Variants in SH3TC2 observed in about 807,000 individuals in gnomAD.
SH3TC2 encodes the protein SH3 domain and tetratricopeptide repeat-containing protein 2.
SH3TC2 carries 87 observed loss-of-function variants against 124.5 expected under a neutral mutation model. That is an observed-to-expected ratio of 0.70 (90% CI 0.59 to 0.84). The LOEUF is 0.84. SH3TC2 is among the 40% of genes least tolerant of loss of function. The probability of loss-of-function intolerance (pLI) is 0.00; values close to 1 mark genes in which losing one functional copy is unlikely to be tolerated. For synonymous variants in SH3TC2, 634 were observed against 628.5 expected (o/e 1.01, Z -0.13); for missense variants, 1,536 against 1,566.4 (o/e 0.98, Z 0.33).
intron 15 of SH3TC2, 102 bp downstream of exon 15, chr5:149,008,749 C>A (rs1753732991): frequency 6.5e-7 from 1 of 1,532,168 alleles, no homozygotes; most frequent in African/African-American, 1.4e-5. Context: ...GGATTTGAAC[C>A]CACACAGTCT....
Position 148,999,217 on chromosome 5 carries a change from C to G in SH3TC2, c.*5494G>C, listed in dbSNP as rs942744890. ...TGCAGGACCAGGGTGCCTGGCCACACCTCCAGGTTTGGCTGCACTTCTCAA... is the reference window on the plus strand; with the variant it reads ...TGCAGGACCAGGGTGCCTGGCCACAGCTCCAGGTTTGGCTGCACTTCTCAA... On this transcript the variant is annotated 3_prime_UTR_variant, in exon 17 of 17. Coordinates refer to ENST00000515425, the MANE Select transcript of SH3TC2 (RefSeq NM_024577.4). Among the ~76,000 whole-genome samples, 27 of 152,350 alleles carry G rather than the reference C, an allele frequency of 1.8e-4. No homozygotes were observed. The highest frequency in any genetic ancestry group is 6.3e-4 in the African/African-American group (26 of 41,588).
At position 148,994,914 on chromosome 5, in the gene SH3TC2, A is replaced by G. The variant is rs914632189; in HGVS notation, c.*9797T>C. On this transcript the variant is annotated 3_prime_UTR_variant, in exon 17 of 17. Coordinates refer to ENST00000515425, the MANE Select transcript of SH3TC2 (RefSeq NM_024577.4). ...GAGGTTTTTATCCACATCCCACAAT[A>G]CCATGAACTTATGATTTCCCAAGGA... Among the ~76,000 whole-genome samples the G allele has an allele frequency of 2.6e-5, 4 of 152,168 alleles. No homozygotes were observed. Among genetic ancestry groups the G allele is most frequent in the African/African-American group, 7.2e-5 (3 of 41,448 alleles).
rs199894615 is a variant in SH3TC2, at chr5:149,027,809, G to A, written c.1923C>T (p.Arg641=). The change falls in exon 11 of 17, where the codon CGC becomes CGT. Residue 641 remains arginine (R), a synonymous_variant. Transcript: ENST00000515425. ...CGTGCCGGCCTAGGCTCAGGAGCAA[G>A]CGGATGGCCAGAAAGCAGGCCCTGG... ...LEARACFLAI[R]LLLSLGRHEE... The A allele has an allele frequency of 1.4e-4, 224 of 1,613,942 alleles. No homozygotes were observed. The highest frequency in any genetic ancestry group is 1.1e-5 in the Non-Finnish European group (13 of 1,180,020).
rs35182601 is a variant in SH3TC2, at chr5:148,992,600, GT to G, written c.*12110del. Among the ~76,000 whole-genome samples, 1,500 of 102,452 alleles carry G rather than the reference GT, an allele frequency of 0.015. 9 individuals carry two copies. The highest frequency in any genetic ancestry group is 0.021 in the African/African-American group (584 of 27,482). 67.2% of individuals were successfully genotyped at this position (102,452 alleles called of 152,430 possible). ...ATAATTCCAAGAAGAGATTTCATTG[GT>G]TTTTTTTTTTTTTTTTTTTTTCAGA... is the stretch of plus-strand genomic sequence containing the variant. On this transcript the variant is annotated 3_prime_UTR_variant, in exon 17 of 17. Transcript: ENST00000515425.
Position 149,012,667 on chromosome 5 carries a change from C to G in SH3TC2, c.3121G>C (p.Asp1041His), listed in dbSNP as rs754776288. The G allele has an allele frequency of 2.5e-6, 4 of 1,614,218 alleles. No homozygotes were observed. The South Asian group carries it at 4.4e-5, about 18-fold the overall frequency. ...LRIFIDLGET[D>H]KAAEAWLGAG... ...CCAAGCCAGGCCTCAGCAGCCTTGT[C>G]TGTCTCCCCCAGGTCAATGAAGATA... The change falls in exon 13 of 17, where the codon GAC (aspartate) becomes CAC (histidine). Residue 1041 changes from aspartate (D) to histidine (H), a missense_variant. Physicochemically the swap from Asp to His is moderately conservative, Grantham distance 81. Transcript: ENST00000515425.
chr5:149,052,878 C>T (rs777986726), intron 1 of SH3TC2, among the ~76,000 whole-genome samples: 1 of 152,144 alleles, frequency 6.6e-6, no homozygotes, highest in Non-Finnish European at 1.5e-5. Context: ...GAAGATGGTG[C>T]ACCTATAAAG....
Position 148,986,452 on chromosome 5 carries a change from T to C in SH3TC2, c.*18259A>G, listed in dbSNP as rs1396573601. 2.6e-5 allele frequency among the ~76,000 whole-genome samples: 4 copies of C among 152,166 alleles called. No individual in the cohort carries two copies. Among genetic ancestry groups the C allele is most frequent in the Non-Finnish European group, 5.9e-5 (4 of 68,014 alleles). ...CCAAGGTAACCCCACTCACTCCCTA[T>C]TACATCTCCTTGTCTTACTTTTATC... On this transcript the variant is annotated 3_prime_UTR_variant, in exon 17 of 17. Coordinates refer to ENST00000515425, the MANE Select transcript of SH3TC2 (RefSeq NM_024577.4).
rs1753567581 is a variant in SH3TC2 at position 148,999,829 on chromosome 5, T to C, written c.*4882A>G. Among the ~76,000 whole-genome samples, 1 of 152,180 alleles carries C rather than the reference T, an allele frequency of 6.6e-6. No individual in the cohort carries two copies. The stretch of plus-strand genomic sequence containing the variant: ...TTCTTTCAACTGCTTATAATCCTTC[T>C]ATACCTTCCCCTCAACCTCCAGGTA... On this transcript the variant is annotated 3_prime_UTR_variant, in exon 17 of 17. Coordinates refer to ENST00000515425, the MANE Select transcript of SH3TC2 (RefSeq NM_024577.4).
intron 8 of SH3TC2, 109 bp from the exon 9 acceptor site, chr5:149,031,796 C>A: frequency 7.0e-7 from 1 of 1,426,196 alleles, no homozygotes; most frequent in Non-Finnish European, 9.7e-7. Context: ...GTCATCAAAC[C>A]AACTTCCCGC....
chr5:149,015,543 C>T (rs1026457917), intron 12 of SH3TC2, among the ~76,000 whole-genome samples: 11 of 152,194 alleles, frequency 7.2e-5, no homozygotes, highest in South Asian at 2.1e-4. Flanking sequence ...GCCTGTGTTC[C>T]GGCATGTTAT....
intron 12 of SH3TC2, among the ~76,000 whole-genome samples, chr5:149,021,612 A>T (rs553003404): frequency 6.6e-6 from 1 of 152,238 alleles, no homozygotes; most frequent in Non-Finnish European, 1.5e-5. Context: ...AAAAAGGATT[A>T]TAAAAGAATA....
chr5:149,014,004 C>T (rs77141759), intron 12 of SH3TC2, among the ~76,000 whole-genome samples: 4 of 152,204 alleles, frequency 2.6e-5, no homozygotes, highest in Middle Eastern at 3.4e-3. Flanking sequence ...CTGATCTAGT[C>T]CAATCTTCTT....
At chr5:149,031,798 A>G (rs965326079) in intron 8 of SH3TC2, 111 bp from the exon 9 acceptor site, 4 of 1,409,226 alleles carry the variant, frequency 2.8e-6, no homozygotes, top group Non-Finnish European at 3.9e-6. Context: ...CATCAAACCA[A>G]CTTCCCGCAA....
chr5:149,047,842 C>G lies in SH3TC2; in HGVS notation c.279+20G>C, dbSNP rs1754491033. ...GACACAAGTCAGTACTCAGCATTCA[C>G]CTGTTTCCTTCATGCTCACCTTAAA... On this transcript the variant is annotated intron_variant, in intron 3 of 16. Transcript: ENST00000515425. The G allele has an allele frequency of 6.2e-7, 1 of 1,613,634 alleles. No individual in the cohort carries two copies. The highest frequency in any genetic ancestry group is 1.3e-5 in the African/African-American group (1 of 74,904).
Position 149,027,408 on chromosome 5 carries a change from C to A in SH3TC2, c.2324G>T (p.Gly775Val), listed in dbSNP as rs1431655244. 6 of 1,614,118 alleles carry A rather than the reference C, an allele frequency of 3.7e-6. 1 individual carries two copies. Among genetic ancestry groups the A allele is most frequent in the Non-Finnish European group, 5.1e-6 (6 of 1,180,036 alleles). The stretch of plus-strand genomic sequence containing the variant: ...GGCCTGGCTCAGGTAGTGGATGGCA[C>A]CGTCAGGAGACCTGTGCTCGAGGTA... ...KVYLEHRSPDGAIHYLSQALV... is the reference protein window; with the variant it reads ...KVYLEHRSPDVAIHYLSQALV... Residue 775 changes from glycine to valine, a missense_variant, in exon 11 of 17, where the codon GGT becomes GTT. Gly to Val is a moderately radical substitution (Grantham distance 109, BLOSUM62 -3). Coordinates refer to ENST00000515425, the MANE Select transcript of SH3TC2 (RefSeq NM_024577.4).
Position 148,996,866 on chromosome 5 carries a change from C to T in SH3TC2, c.*7845G>A, listed in dbSNP as rs1007712261. 7.9e-5 allele frequency among the ~76,000 whole-genome samples: 12 copies of T among 152,142 alleles called. No individual in the cohort carries two copies. Among genetic ancestry groups the T allele is most frequent in the Admixed American group, 2.6e-4 (4 of 15,290 alleles). ...GGAAGGTTAAAATAAAAGACAGAAG[C>T]GAGGTATCTATTTTCAAAATCCTTT... On this transcript the variant is annotated 3_prime_UTR_variant, in exon 17 of 17. Transcript: ENST00000515425.
rs150039224 is a variant in SH3TC2 at position 148,984,891 on chromosome 5, C to A, written c.*19820G>T. On this transcript the variant is annotated 3_prime_UTR_variant, in exon 17 of 17. Coordinates refer to ENST00000515425, the MANE Select transcript of SH3TC2 (RefSeq NM_024577.4). Reference sequence around the variant, plus strand: ...GTAATCTGCAAATAGTCAAAGTGAGCAATGATGCCAAAAAGCATAATGGGT... The same window carrying A: ...GTAATCTGCAAATAGTCAAAGTGAGAAATGATGCCAAAAAGCATAATGGGT... 1.3e-5 allele frequency among the ~76,000 whole-genome samples: 2 copies of A among 152,080 alleles called. No homozygotes were observed. Among genetic ancestry groups the A allele is most frequent in the African/African-American group, 2.4e-5 (1 of 41,424 alleles).
rs1414836383 is a variant in SH3TC2, at chr5:148,989,421, A to G, written c.*15290T>C. ...AAGATTTGAACCTAGGTCTACCTTA[A>G]CCAGCATAAATATGGCTGAGGAATA... On this transcript the variant is annotated 3_prime_UTR_variant, in exon 17 of 17. Coordinates refer to ENST00000515425, the MANE Select transcript of SH3TC2 (RefSeq NM_024577.4). 6.6e-6 allele frequency among the ~76,000 whole-genome samples: 1 copy of G among 152,238 alleles called. No individual in the cohort carries two copies. The highest frequency in any genetic ancestry group is 1.9e-4 in the East Asian group (1 of 5,198).
chr5:149,006,721 T>A (rs979845882), intron 16 of SH3TC2, among the ~76,000 whole-genome samples, 160 bp downstream of exon 16: 2 of 152,176 alleles, frequency 1.3e-5, no homozygotes, highest in East Asian at 3.9e-4. Flanking sequence ...AGAGCTTCCA[T>A]GTCCCCTGTA....
Sources: gnomAD v4.1 joint callset for allele counts (sites outside exome capture counted in the v4.1 genomes callset) on GRCh38, gnomAD v4.1.1 for gene constraint, MANE v1.5 for transcripts, NCBI Gene and HGNC (gene_info 2026-07-23, HGNC 2026-07-21) for gene names.